The following DNM2 variants were observed in gnomAD, a reference collection of about 807,000 sequenced individuals.
DNM2 encodes dynamin-2.
In DNM2, 15 loss-of-function variants were observed where a neutral mutation model predicts 99.0. The observed-to-expected ratio is 0.15, with a 90% CI of 0.10 to 0.23. DNM2 has a LOEUF of 0.23. Among genes scored for constraint, DNM2 ranks in the 10% least tolerant of loss-of-function variants. DNM2 has a pLI of 1.00. For synonymous variants in DNM2, 525 were observed against 481.2 expected (o/e 1.09, Z -1.19); for missense variants, 742 against 1,189.4 (o/e 0.62, Z 5.53).
chr19:10,771,955 A>G (rs940069617), intron 2 of DNM2, among the ~76,000 whole-genome samples: 3 of 152,174 alleles, frequency 2.0e-5, no homozygotes, highest in African/African-American at 7.2e-5. Flanking sequence ...CAGTCTATTC[A>G]GTCTATAGGA....
chr19:10,812,412 G>C lies in DNM2; in HGVS notation c.1671+35G>C. ...AGGCGGGAGCAGGGCTGCTGGGGTA[G>C]GTGGGGCAGCCAGGGAAGAGCGGGT... On this transcript the variant is annotated intron_variant, in intron 15 of 20. Transcript: ENST00000389253. The surrounding 1 kb of genome is among the most constrained non-coding windows in gnomAD (Gnocchi z 4.0). The C allele has an allele frequency of 1.3e-6, 2 of 1,554,180 alleles. No individual in the cohort carries two copies. Among genetic ancestry groups the C allele is most frequent in the South Asian group, 2.3e-5 (2 of 87,150 alleles).
chr19:10,727,488 C>G (rs1015156512), intron 1 of DNM2, among the ~76,000 whole-genome samples: 43 of 152,058 alleles, frequency 2.8e-4, no homozygotes, highest in African/African-American at 9.9e-4. Flanking sequence ...ACTTCAGCCT[C>G]CCAATTAGCT....
intron 3 of DNM2, among the ~76,000 whole-genome samples, chr19:10,774,305 AC>A (rs2071077971): frequency 6.6e-6 from 1 of 152,118 alleles, no homozygotes; most frequent in African/African-American, 2.4e-5. Context: ...ACATAGCAAG[AC>A]CCTCTATCTT....
At chr19:10,718,465 G>C in intron 1 of DNM2, 62 bp downstream of exon 1, 1 of 1,306,576 alleles carries the variant, frequency 7.7e-7, no homozygotes, top group Non-Finnish European at 9.7e-7. Flanking sequence ...GGCGGACCGG[G>C]AATGGCGCGC....
chr19:10,816,600 C>G lies in DNM2; in HGVS notation c.1672-3380C>G, dbSNP rs577154763. ...GGTAGGGTGCCCTTTCTCTTTTTCT[C>G]CCCTCTTTCCGCCTTGCAGTGAGAA... is the stretch of plus-strand genomic sequence containing the variant. On this transcript the variant is annotated intron_variant, in intron 15 of 20. Coordinates refer to ENST00000389253, the MANE Select transcript of DNM2 (RefSeq NM_001005361.3). The surrounding 1 kb of genome is among the most constrained non-coding windows in gnomAD (Gnocchi z 4.6). 6.6e-6 allele frequency among the ~76,000 whole-genome samples: 1 copy of G among 152,162 alleles called. No homozygotes were observed. Among genetic ancestry groups the G allele is most frequent in the Non-Finnish European group, 1.5e-5 (1 of 68,032 alleles).
At chr19:10,778,758 A>G (rs1488030738) in intron 5 of DNM2, among the ~76,000 whole-genome samples, 1 of 152,010 alleles carries the variant, frequency 6.6e-6, no homozygotes, top group African/African-American at 2.4e-5. Context: ...GTTTTTTTCT[A>G]TACCATTCAT....
intron 12 of DNM2, 27 bp from the exon 13 acceptor site, chr19:10,805,889 T>C (rs2072318915): frequency 6.2e-7 from 1 of 1,614,134 alleles, no homozygotes; most frequent in Non-Finnish European, 8.5e-7. Context: ...CTTGTCCACG[T>C]GAACCCTGTC....
intron 14 of DNM2, chr19:10,810,456 TGGA>T (rs994439203): frequency 2.6e-5 from 4 of 152,410 alleles, no homozygotes; most frequent in African/African-American, 9.6e-5. Flanking sequence ...TGAACCCGTG[TGGA>T]GAAGGGCACC....
chr19:10,821,707 T>C (rs999568023), intron 16 of DNM2, among the ~76,000 whole-genome samples: 5 of 152,118 alleles, frequency 3.3e-5, no homozygotes, highest in African/African-American at 1.2e-4. Flanking sequence ...AATTTTTTAT[T>C]TTTAGTAGAG....
At chr19:10,743,372 G>A (rs952843140) in intron 1 of DNM2, among the ~76,000 whole-genome samples, 2 of 151,892 alleles carry the variant, frequency 1.3e-5, no homozygotes, top group African/African-American at 4.8e-5. Context: ...ACAGGTGCTC[G>A]GGTGAGAAAA....
intron 2 of DNM2, chr19:10,769,193 G>A (rs918175206): frequency 1.3e-5 from 2 of 152,340 alleles, no homozygotes; most frequent in African/African-American, 4.8e-5. Context: ...TCCTCATACA[G>A]CCTGTTATGA....
At chr19:10,745,863 T>C (rs1347711420) in intron 1 of DNM2, among the ~76,000 whole-genome samples, 1 of 152,136 alleles carries the variant, frequency 6.6e-6, no homozygotes, top group Admixed American at 6.5e-5. Flanking sequence ...ATAGCCAGGA[T>C]TGTGGAAATA....
intron 1 of DNM2, among the ~76,000 whole-genome samples, chr19:10,756,613 G>A (rs762904768): frequency 6.6e-6 from 1 of 152,138 alleles, no homozygotes; most frequent in Non-Finnish European, 1.5e-5. Flanking sequence ...AGTGTGGCTC[G>A]AAGACAGGTA....
In DNM2 at chr19:10,805,963, A is replaced by G. The variant is rs141132980; in HGVS notation, c.1541A>G (p.Asn514Ser). The G allele has an allele frequency of 2.5e-6, 4 of 1,613,946 alleles. No individual in the cohort carries two copies. The highest frequency in any genetic ancestry group is 1.1e-5 in the South Asian group (1 of 91,086). The change falls in exon 13 of 21, where the codon AAT becomes AGT. Residue 514 changes from asparagine to serine, a missense_variant. Asn to Ser is a conservative substitution (Grantham distance 46). Transcript: ENST00000389253. ...TQLNKKRAIP[N>S]QGEILVIRRG... ...CTGAACAAGAAGAGAGCCATCCCCAATCAGGTAGCACACCCCTCTGCAGTC... is the reference window on the plus strand; with the variant it reads ...CTGAACAAGAAGAGAGCCATCCCCAGTCAGGTAGCACACCCCTCTGCAGTC...
At chr19:10,723,584 A>G (rs2069014098) in intron 1 of DNM2, among the ~76,000 whole-genome samples, 2 of 152,242 alleles carry the variant, frequency 1.3e-5, no homozygotes, top group African/African-American at 4.8e-5. Context: ...TCTTTAAAAT[A>G]GGAGTTATAA....
At position 10,823,777 on chromosome 19, in the gene DNM2, C is replaced by A. The variant is rs78580529; in HGVS notation, c.1782-11C>A. On this transcript the variant is annotated splice_polypyrimidine_tract_variant and intron_variant, in intron 16 of 20. Transcript: ENST00000389253. ...TCAAGCTTGTGCCCCTCCTTCCCCA[C>A]CCCCCCGCAGAAACGTCTACAAGGA... 2 of 1,604,020 alleles carry A rather than the reference C, an allele frequency of 1.2e-6. No individual in the cohort carries two copies. Among genetic ancestry groups the A allele is most frequent in the Non-Finnish European group, 1.7e-6 (2 of 1,171,854 alleles).
intron 1 of DNM2, among the ~76,000 whole-genome samples, chr19:10,734,940 C>T (rs2069469321): frequency 6.6e-6 from 1 of 151,560 alleles, no homozygotes; most frequent in Non-Finnish European, 1.5e-5. Flanking sequence ...TCAATTAGGG[C>T]TTATCTGGAA....
In DNM2 at chr19:10,772,717, G is replaced by A. The variant is rs1439415540; in HGVS notation, c.385+89G>A. 1 of 1,576,386 alleles carries A rather than the reference G, an allele frequency of 6.3e-7. No homozygotes were observed. Among genetic ancestry groups the A allele is most frequent in the Admixed American group, 1.8e-5 (1 of 56,248 alleles). The stretch of plus-strand genomic sequence containing the variant: ...GTGAGCCTGTGTACTTCCACTCATG[G>A]GTATCATGTGCCCATTCACAAACAG... On this transcript the variant is annotated intron_variant, in intron 3 of 20. Coordinates refer to ENST00000389253, the MANE Select transcript of DNM2 (RefSeq NM_001005361.3). The surrounding 1 kb of genome is among the most constrained non-coding windows in gnomAD (Gnocchi z 4.9).
chr19:10,735,170 A>G (rs1298480089), intron 1 of DNM2, among the ~76,000 whole-genome samples: 1 of 151,806 alleles, frequency 6.6e-6, no homozygotes, highest in Non-Finnish European at 1.5e-5. Context: ...CAGCCTCCCG[A>G]GTAGCTGGGA....
Sources: gnomAD v4.1 joint callset for allele counts (sites outside exome capture counted in the v4.1 genomes callset) on GRCh38, gnomAD v4.1.1 for gene constraint, Gnocchi (gnomAD v3.1) non-coding constraint, MANE v1.5 for transcripts, NCBI Gene and HGNC (gene_info 2026-07-23, HGNC 2026-07-21) for gene names.